The following TJP2 variants were observed in gnomAD, a reference collection of about 807,000 sequenced individuals.
TJP2 encodes the protein Friedreich ataxia region gene X104 (tight junction protein ZO-2).
In TJP2, 91 loss-of-function variants were observed where a neutral mutation model predicts 133.1. The observed-to-expected ratio is 0.68, with a 90% CI of 0.58 to 0.81. The LOEUF is 0.81. Among genes scored for constraint, TJP2 ranks in the 40% least tolerant of loss-of-function variants. The probability of loss-of-function intolerance (pLI) is 0.00; values close to 1 mark genes in which losing one functional copy is unlikely to be tolerated. For missense variants in TJP2, 1,541 were observed against 1,565.6 expected, an observed-to-expected ratio of 0.98 and a Z score of 0.26; for synonymous variants, 592 against 583.4, an observed-to-expected ratio of 1.01 and a Z score of -0.21.
intron 2 of TJP2, among the ~76,000 whole-genome samples, chr9:69,156,535 T>A (rs959809798): frequency 2.1e-5 from 3 of 141,564 alleles, no homozygotes; most frequent in Non-Finnish European, 4.6e-5. Flanking sequence ...TTTTTTTTTT[T>A]TTTTTTTTTT....
intron 1 of TJP2, among the ~76,000 whole-genome samples, chr9:69,147,177 C>T (rs1226187000): frequency 6.6e-6 from 1 of 152,138 alleles, no homozygotes. Context: ...AGTAGCCTCT[C>T]GTGATTGGGC....
At chr9:69,174,470 T>TGAG (rs144607139) in intron 1 of TJP2, 38 bp downstream of exon 1, 354 of 1,515,646 alleles carry the variant, frequency 2.3e-4, no homozygotes, top group Middle Eastern at 1.4e-3. Context: ...GGGAGGAGGG[T>TGAG]CGTGAGCGTG....
rs1241001189 is a variant in TJP2, at chr9:69,254,642, GTGGACCGAAATC to G, written c.*271_*282del. 11 of 597,476 alleles carry G rather than the reference GTGGACCGAAATC, an allele frequency of 1.8e-5. No individual in the cohort carries two copies. The highest frequency in any genetic ancestry group is 3.3e-5 in the Non-Finnish European group (11 of 334,494). 37.0% of individuals were successfully genotyped at this position (597,476 alleles called of 1,614,324 possible). ...CAGTCAGATCCTGTTACTTGCTTCAGTGGACCGAAATCTGTATTCTGTTTGCGTACTTGTAAT... is the reference window on the plus strand; with the variant it reads ...CAGTCAGATCCTGTTACTTGCTTCAGTGTATTCTGTTTGCGTACTTGTAAT... On this transcript the variant is annotated 3_prime_UTR_variant, in exon 23 of 23. Coordinates refer to ENST00000377245, the MANE Select transcript of TJP2 (RefSeq NM_004817.4).
chr9:69,226,054 A>T lies in TJP2; in HGVS notation c.1089A>T (p.Leu363Phe). ...GGACTGTAACTGAGAACATGTCTTT[A>T]ACGGATGCTCGAAAATTGATAGAAA... ...INGTVTENMS[L>F]TDARKLIEKS... The change falls in exon 7 of 23, where the codon TTA becomes TTT. Residue 363 changes from leucine (L) to phenylalanine (F), a missense_variant. Coordinates refer to ENST00000377245, the MANE Select transcript of TJP2 (RefSeq NM_004817.4). The T allele has an allele frequency of 6.2e-7, 1 of 1,614,206 alleles. No homozygotes were observed. The highest frequency in any genetic ancestry group is 8.5e-7 in the Non-Finnish European group (1 of 1,180,036).
chr9:69,249,268 T>G (rs1831152467), intron 19 of TJP2, 107 bp from the exon 20 acceptor site: 3 of 1,534,112 alleles, frequency 2.0e-6, no homozygotes, highest in Non-Finnish European at 2.6e-6. Flanking sequence ...GCTCAGAACC[T>G]CAACTTCTGG....
At chr9:69,172,033 G>T (rs972850258), upstream of TJP2, among the ~76,000 whole-genome samples, 1 of 152,096 alleles carries the variant, frequency 6.6e-6, no homozygotes, top group Admixed American at 6.5e-5. Flanking sequence ...TTGACCTCGC[G>T]ATCTGTCCGC....
chr9:69,199,601 C>G (rs570499879), intron 1 of TJP2, among the ~76,000 whole-genome samples: 57 of 152,256 alleles, frequency 3.7e-4, no homozygotes, highest in Admixed American at 1.3e-3. Context: ...AAACCATTGG[C>G]CCATTTATTG....
chr9:69,174,074 G>A (rs1824858334), upstream of TJP2: 1 of 1,112,086 alleles, frequency 9.0e-7, no homozygotes, highest in South Asian at 4.2e-5. Context: ...CGCCGCAGGA[G>A]CCTCGAAGGC....
intron 2 of TJP2, among the ~76,000 whole-genome samples, chr9:69,159,296 G>A (rs927533888): frequency 6.6e-6 from 1 of 152,068 alleles, no homozygotes; most frequent in Non-Finnish European, 1.5e-5. Flanking sequence ...ACTCCAGTCT[G>A]GGTGACAAAG....
chr9:69,212,169 G>A (rs756302285), intron 1 of TJP2, among the ~76,000 whole-genome samples: 4 of 152,140 alleles, frequency 2.6e-5, no homozygotes, highest in Admixed American at 6.5e-5. Flanking sequence ...ACTTGCCTAC[G>A]AGGTCACCTT....
intron 2 of TJP2, among the ~76,000 whole-genome samples, 171 bp downstream of exon 2, chr9:69,212,772 C>T (rs973126822): frequency 6.6e-6 from 1 of 151,754 alleles, no homozygotes; most frequent in African/African-American, 2.4e-5. Context: ...GATTTGCATG[C>T]TATTGTATTT....
At chr9:69,158,850 G>A (rs1037653457) in intron 2 of TJP2, among the ~76,000 whole-genome samples, 5 of 152,016 alleles carry the variant, frequency 3.3e-5, no homozygotes, top group African/African-American at 4.8e-5. Flanking sequence ...CACTCACATC[G>A]GTTTTGATTC....
intron 11 of TJP2, among the ~76,000 whole-genome samples, chr9:69,232,465 T>C (rs1829861656): frequency 6.6e-6 from 1 of 152,206 alleles, no homozygotes; most frequent in Admixed American, 6.5e-5. Flanking sequence ...AACCTTCAAG[T>C]AGAAAAGTGC....
At chr9:69,139,773 G>A (rs2133284483) in intron 1 of TJP2, among the ~76,000 whole-genome samples, 1 of 152,310 alleles carries the variant, frequency 6.6e-6, no homozygotes, top group Non-Finnish European at 1.5e-5. Flanking sequence ...GTCTCCCATA[G>A]CCAGGTCCTT....
chr9:69,168,666 G>A (rs955183095), intron 2 of TJP2, among the ~76,000 whole-genome samples: 2 of 151,444 alleles, frequency 1.3e-5, no homozygotes, highest in East Asian at 1.9e-4. Context: ...GTGGTGGTGG[G>A]CGCCTGTAGT....
intron 5 of TJP2, among the ~76,000 whole-genome samples, chr9:69,223,069 G>GGGAAAA (rs1405334479): frequency 2.6e-5 from 3 of 114,084 alleles, no homozygotes; most frequent in African/African-American, 9.2e-5. Flanking sequence ...ACTCTGTCTT[G>GGGAAAA]AAAAAAAAAA....
At chr9:69,225,822 A>G (rs951419942) in intron 6 of TJP2, among the ~76,000 whole-genome samples, 200 bp from the exon 7 acceptor site, 1 of 152,218 alleles carries the variant, frequency 6.6e-6, no homozygotes, top group Non-Finnish European at 1.5e-5. Flanking sequence ...TTAGCAGAGT[A>G]ACTTACACCT....
chr9:69,233,718 A>G (rs1168464329), intron 11 of TJP2, among the ~76,000 whole-genome samples: 2 of 152,152 alleles, frequency 1.3e-5, no homozygotes. Context: ...CGGAGGTTGC[A>G]GTGAGCCAAG....
chr9:69,131,399 ACTGGTGTTGGGTCCTCTGAGAGTGAG>A (rs1387084520), intron 1 of TJP2, among the ~76,000 whole-genome samples: 3 of 152,218 alleles, frequency 2.0e-5, no homozygotes, highest in Non-Finnish European at 4.4e-5. Flanking sequence ...GCAGTGGCCC[ACTGGTGTTGGGTCCTCTGAGAGTGAG>A]CTGTGTTCTA....
Sources: gnomAD v4.1 joint callset for allele counts (sites outside exome capture counted in the v4.1 genomes callset) on GRCh38, gnomAD v4.1.1 for gene constraint, MANE v1.5 for transcripts, NCBI Gene and HGNC (gene_info 2026-07-23, HGNC 2026-07-21) for gene names.